Variants in FOXP2 observed in about 807,000 individuals in gnomAD.
FOXP2 encodes the protein forkhead box P2, also known as forkhead box protein P2.
In FOXP2, 12 loss-of-function variants were observed where a neutral mutation model predicts 115.8. The ratio of observed to expected loss-of-function variants is 0.10; its 90% confidence interval spans 0.07 to 0.17. FOXP2 has a LOEUF of 0.17. FOXP2 is among the 10% of genes least tolerant of loss of function. FOXP2 has a pLI of 1.00. For synonymous variants in FOXP2, 328 were observed against 297.7 expected (o/e 1.10, Z -1.05); for missense variants, 629 against 843.5 (o/e 0.75, Z 3.15).
chr7:114,691,658 T>C lies in FOXP2; in HGVS notation c.*1732T>C, dbSNP rs890350275. 2.9e-5 allele frequency: 13 copies of C among 453,932 alleles called. No homozygotes were observed. The highest frequency in any genetic ancestry group is 2.6e-4 in the African/African-American group (13 of 50,072). 28.1% of individuals were successfully genotyped at this position (453,932 alleles called of 1,614,324 possible). A position where few individuals can be genotyped will look rare whatever the true frequency, so the allele number is the denominator to read the frequency against. ...TGTGCCAAGTCTTGATAATACTTTTTCCCCCAACCAAGGGACCTCATAACC... is the reference window on the plus strand; with the variant it reads ...TGTGCCAAGTCTTGATAATACTTTTCCCCCCAACCAAGGGACCTCATAACC... On this transcript the variant is annotated 3_prime_UTR_variant, in exon 17 of 17. Coordinates refer to ENST00000350908, the MANE Select transcript of FOXP2 (RefSeq NM_014491.4).
At chr7:114,664,173 T>C in intron 15 of FOXP2, 100 bp from the exon 16 acceptor site, 4 of 1,306,634 alleles carry the variant, frequency 3.1e-6, no homozygotes, top group Non-Finnish European at 4.3e-6. Flanking sequence ...TTCTAAAATA[T>C]CTATTTCCTT....
chr7:114,292,015 A>G (rs1796616768), intron 2 of FOXP2, among the ~76,000 whole-genome samples: 1 of 143,116 alleles, frequency 7.0e-6, no homozygotes, highest in Admixed American at 7.2e-5. Context: ...TATAGATATA[A>G]CATTAAAACA....
intron 1 of FOXP2, among the ~76,000 whole-genome samples, chr7:114,130,151 C>CA (rs1791831632): frequency 6.6e-6 from 1 of 151,660 alleles, no homozygotes; most frequent in South Asian, 2.1e-4. Context: ...CCATCTCTAC[C>CA]AAAAAATAAA....
intron 2 of FOXP2, among the ~76,000 whole-genome samples, chr7:114,505,976 T>C (rs1288071805): frequency 6.6e-6 from 1 of 151,616 alleles, no homozygotes; most frequent in Non-Finnish European, 1.5e-5. Context: ...TTTTTAGCTC[T>C]TTGAAACACC....
chr7:114,338,934 A>G (rs1584647863), intron 2 of FOXP2, among the ~76,000 whole-genome samples: 1 of 151,088 alleles, frequency 6.6e-6, no homozygotes, highest in African/African-American at 2.4e-5. Flanking sequence ...GGAGATTAAA[A>G]CTACCAAAAC....
intron 2 of FOXP2, among the ~76,000 whole-genome samples, chr7:114,492,748 C>G (rs898348500): frequency 6.6e-6 from 1 of 152,060 alleles, no homozygotes; most frequent in African/African-American, 2.4e-5. Context: ...ATACTGAGTT[C>G]TAGTTTGATT....
Position 114,508,836 on chromosome 7 carries a change from C to T in FOXP2, c.169-25781C>T, listed in dbSNP as rs553726539. 2.0e-5 allele frequency among the ~76,000 whole-genome samples: 3 copies of T among 152,002 alleles called. No homozygotes were observed. The South Asian group carries it at 6.2e-4, about 32-fold the overall frequency. On this transcript the variant is annotated intron_variant, in intron 2 of 16. Coordinates refer to ENST00000350908, the MANE Select transcript of FOXP2 (RefSeq NM_014491.4). Reference sequence around the variant, plus strand: ...ACCTGAGGGATTGAGGCAGTAGTTACAGTAATGTAGAGTAATGAATATAGC... The same window carrying T: ...ACCTGAGGGATTGAGGCAGTAGTTATAGTAATGTAGAGTAATGAATATAGC...
chr7:114,450,476 T>C (rs1795025640), intron 2 of FOXP2, among the ~76,000 whole-genome samples: 1 of 152,112 alleles, frequency 6.6e-6, no homozygotes, highest in Non-Finnish European at 1.5e-5. Flanking sequence ...TATGAGTATA[T>C]AATTTCTTCT....
chr7:114,278,311 C>G (rs964994546), intron 1 of FOXP2, among the ~76,000 whole-genome samples: 2 of 151,954 alleles, frequency 1.3e-5, no homozygotes, highest in East Asian at 1.9e-4. Context: ...AAAATTCAAA[C>G]AAGCTGTTAA....
At chr7:114,365,561 G>T (rs2129188300) in intron 2 of FOXP2, among the ~76,000 whole-genome samples, 1 of 152,098 alleles carries the variant, frequency 6.6e-6, no homozygotes, top group East Asian at 1.9e-4. Context: ...TTCATTGTAT[G>T]ATTTTTTTAC....
chr7:114,444,359 G>A (rs1287422538), intron 2 of FOXP2, among the ~76,000 whole-genome samples: 1 of 152,118 alleles, frequency 6.6e-6, no homozygotes, highest in African/African-American at 2.4e-5. Flanking sequence ...ATGACATTCA[G>A]AAGTACTGTG....
intron 1 of FOXP2, among the ~76,000 whole-genome samples, chr7:114,250,292 A>G (rs1397141825): frequency 1.3e-5 from 2 of 151,942 alleles, no homozygotes; most frequent in Non-Finnish European, 2.9e-5. Flanking sequence ...ATGATTTATA[A>G]TCTTTTGGGT....
chr7:114,665,128 T>G (rs1411099386), intron 16 of FOXP2: 1 of 152,180 alleles, frequency 6.6e-6, no homozygotes, highest in Non-Finnish European at 1.5e-5. Flanking sequence ...TATTAAAAAT[T>G]GATGTATTGT....
chr7:114,270,248 A>G (rs982038945), intron 1 of FOXP2, among the ~76,000 whole-genome samples: 5 of 152,120 alleles, frequency 3.3e-5, no homozygotes, highest in African/African-American at 1.2e-4. Context: ...CTAGCCCCCA[A>G]GTTTTGGTAA....
intron 1 of FOXP2, among the ~76,000 whole-genome samples, chr7:114,143,455 C>T (rs1310318620): frequency 6.6e-6 from 1 of 151,642 alleles, no homozygotes; most frequent in East Asian, 1.9e-4. Context: ...ACAAACAATG[C>T]CCCCCCACCC....
At chr7:114,570,599 A>G (rs957620972) in intron 3 of FOXP2, among the ~76,000 whole-genome samples, 1 of 151,872 alleles carries the variant, frequency 6.6e-6, no homozygotes, top group African/African-American at 2.4e-5. Flanking sequence ...TTATGGTCCA[A>G]ATATTCAACT....
chr7:114,142,330 T>A (rs971991200), intron 1 of FOXP2, among the ~76,000 whole-genome samples: 2 of 152,160 alleles, frequency 1.3e-5, no homozygotes, highest in Non-Finnish European at 2.9e-5. Flanking sequence ...CTAGATTTTT[T>A]TCTATTTTGA....
At chr7:114,652,065 T>A (rs1806292761) in intron 8 of FOXP2, 138 bp from the exon 9 acceptor site, 2 of 767,348 alleles carry the variant, frequency 2.6e-6, no homozygotes, top group African/African-American at 3.5e-5. Flanking sequence ...CTTTAACTTT[T>A]ATCTGTATGG....
rs575429323 is a variant in FOXP2, at chr7:114,431,247, T to C, written c.168+4568T>C. On this transcript the variant is annotated intron_variant, in intron 2 of 16. Coordinates refer to ENST00000350908, the MANE Select transcript of FOXP2 (RefSeq NM_014491.4). ...TTTATCTGTATTTGCATTCAATCCT[T>C]TCACATTTGTTATCTCTCGCCCAAT... Among the ~76,000 whole-genome samples, 3 of 152,066 alleles carry C rather than the reference T, an allele frequency of 2.0e-5. No individual in the cohort carries two copies. The East Asian group carries it at 5.8e-4, about 29-fold the overall frequency.
Sources: allele counts gnomAD v4.1 joint callset (sites outside exome capture counted in the v4.1 genomes callset), GRCh38; gene constraint gnomAD v4.1.1; transcripts MANE v1.5; gene names NCBI Gene and HGNC (gene_info 2026-07-23, HGNC 2026-07-21).